LARGE1: variants seen among roughly 807,000 people sequenced by gnomAD.
LARGE1 encodes xylosyl- and glucuronyltransferase LARGE1.
Under a neutral mutation model 87.6 loss-of-function variants are expected in LARGE1, and 43 were observed. The observed-to-expected ratio is 0.49, with a 90% CI of 0.38 to 0.63. The LOEUF (loss-of-function observed/expected upper bound fraction) is 0.63. LARGE1 is among the 30% of genes least tolerant of loss of function. The pLI is 0.00. For missense variants in LARGE1, 802 were observed against 1,000.2 expected, an observed-to-expected ratio of 0.80 and a Z score of 2.67; for synonymous variants, 434 against 394.6, an observed-to-expected ratio of 1.10 and a Z score of -1.18.
At chr22:33,200,101 C>G (rs1924302942) in intron 11 of LARGE1, among the ~76,000 whole-genome samples, 1 of 152,142 alleles carries the variant, frequency 6.6e-6, no homozygotes. Context: ...CCCACCTCAG[C>G]CTCCCAAAGT....
downstream of LARGE1, among the ~76,000 whole-genome samples, chr22:33,268,698 A>T (rs1928088562): frequency 1.3e-5 from 2 of 152,330 alleles, no homozygotes; most frequent in South Asian, 4.1e-4. Context: ...AAGTGCTGGG[A>T]TTACAGGCAT....
intron 6 of LARGE1, among the ~76,000 whole-genome samples, chr22:33,435,513 G>A (rs2067236247): frequency 6.6e-6 from 1 of 152,122 alleles, no homozygotes; most frequent in African/African-American, 2.4e-5. Flanking sequence ...CTGATCGGGT[G>A]TGTGTTAGTG....
intron 7 of LARGE1, among the ~76,000 whole-genome samples, chr22:33,390,687 GTGTT>G (rs1180610971): frequency 1.6e-5 from 2 of 125,734 alleles, no homozygotes; most frequent in African/African-American, 8.2e-5. Context: ...CTTTTGTTGT[GTGTT>G]TTTTTTTTTT....
chr22:33,794,276 G>C (rs949941558), intron 1 of LARGE1, among the ~76,000 whole-genome samples: 5 of 152,184 alleles, frequency 3.3e-5, no homozygotes, highest in African/African-American at 1.2e-4. Context: ...GTCTGAGTCT[G>C]ATTCTTCTCA....
chr22:33,703,767 C>T (rs2082471638), intron 2 of LARGE1, among the ~76,000 whole-genome samples: 1 of 152,222 alleles, frequency 6.6e-6, no homozygotes, highest in Admixed American at 6.5e-5. Flanking sequence ...TGTGAACACC[C>T]TGACTTTAGT....
intron 1 of LARGE1, among the ~76,000 whole-genome samples, chr22:33,841,078 G>A (rs560339011): frequency 1.3e-5 from 2 of 152,340 alleles, no homozygotes; most frequent in South Asian, 4.1e-4. Context: ...GCCAATGAAA[G>A]TGAGCATGTT....
At position 33,455,757 on chromosome 22, in the gene LARGE1, CAAAA is replaced by C. The variant is rs35353034; in HGVS notation, c.788-23496_788-23493del. Among the ~76,000 whole-genome samples, 9 of 64,240 alleles carry C rather than the reference CAAAA, an allele frequency of 1.4e-4. No homozygotes were observed. The South Asian group carries it at 4.7e-3, about 34-fold the overall frequency. 42.1% of individuals were successfully genotyped at this position (64,240 alleles called of 152,430 possible). ...CGACTGAGTGAAACTCTGTCTCAGC[CAAAA>C]AAAAAAAAAAAAAAAAAAATTGCTA... On this transcript the variant is annotated intron_variant, in intron 6 of 14. Transcript: ENST00000397394.
At chr22:33,618,712 G>C (rs998248807) in intron 4 of LARGE1, among the ~76,000 whole-genome samples, 40 of 152,280 alleles carry the variant, frequency 2.6e-4, no homozygotes, top group Admixed American at 2.5e-3. Context: ...GAGGCAAAAG[G>C]CAGACAAATG....
rs532579662 is a variant in LARGE1 at position 33,683,519 on chromosome 22, T to C, written c.107-32851A>G. Reference sequence around the variant, plus strand: ...ACAATAAATCTCTTTATATATTATATATAACAGAATCAATAGGATGGATGG... The same window carrying C: ...ACAATAAATCTCTTTATATATTATACATAACAGAATCAATAGGATGGATGG... On this transcript the variant is annotated intron_variant, in intron 2 of 14. Transcript: ENST00000397394. Among the ~76,000 whole-genome samples, 15 of 152,162 alleles carry C rather than the reference T, an allele frequency of 9.9e-5. No individual in the cohort carries two copies. The South Asian group carries it at 1.0e-3, about 11-fold the overall frequency.
At chr22:33,566,371 AAAC>A (rs1212024015) in intron 5 of LARGE1, among the ~76,000 whole-genome samples, 1 of 152,258 alleles carries the variant, frequency 6.6e-6, no homozygotes, top group Non-Finnish European at 1.5e-5. Flanking sequence ...TTTTACTTAA[AAAC>A]AACTACGTGT....
intron 1 of LARGE1, among the ~76,000 whole-genome samples, chr22:33,773,058 C>T (rs1688417557): frequency 6.6e-6 from 1 of 152,184 alleles, no homozygotes; most frequent in African/African-American, 2.4e-5. Context: ...CAGACACCCT[C>T]TCGTGCACGT....
intron 7 of LARGE1, among the ~76,000 whole-genome samples, chr22:33,415,075 T>C (rs1416249299): frequency 6.6e-6 from 1 of 152,182 alleles, no homozygotes; most frequent in African/African-American, 2.4e-5. Context: ...GAGAGGTGGC[T>C]TGAGTATCTT....
intron 6 of LARGE1, among the ~76,000 whole-genome samples, chr22:33,527,526 G>C (rs1382210196): frequency 6.6e-6 from 1 of 152,160 alleles, no homozygotes; most frequent in African/African-American, 2.4e-5. Context: ...AATCAGTTCA[G>C]AGGCTCTCTC....
chr22:33,533,490 C>A (rs941000874), intron 6 of LARGE1, among the ~76,000 whole-genome samples: 8 of 152,242 alleles, frequency 5.3e-5, no homozygotes, highest in African/African-American at 1.9e-4. Context: ...TTTCTCGAGG[C>A]GATGAGGCTA....
chr22:33,571,954 A>G (rs1014518013), intron 5 of LARGE1, among the ~76,000 whole-genome samples: 1 of 152,150 alleles, frequency 6.6e-6, no homozygotes, highest in African/African-American at 2.4e-5. Context: ...AGTTTTTCAA[A>G]CAATTAGGTA....
chr22:33,722,499 G>A (rs562411109), intron 2 of LARGE1, among the ~76,000 whole-genome samples: 13 of 152,240 alleles, frequency 8.5e-5, no homozygotes, highest in African/African-American at 2.2e-4. Context: ...CAAATACAAC[G>A]GTAAAAGTCC....
At chr22:33,247,625 T>C (rs372419244) in intron 11 of LARGE1, among the ~76,000 whole-genome samples, 6 of 152,374 alleles carry the variant, frequency 3.9e-5, no homozygotes, top group African/African-American at 9.6e-5. Context: ...TAATGAAATA[T>C]GGACAATAAT....
rs543008746 is a variant in LARGE1, at chr22:33,227,514, G to T, written c.1731-60682C>A. ...AGCCCTACTAGTTTAACTCTCCATT[G>T]TTCACTCTACAAGTGGGGAAACTGA... On this transcript the variant is annotated intron_variant, in intron 11 of 11. Transcript: ENST00000608642. Among the ~76,000 whole-genome samples, 58 of 152,276 alleles carry T rather than the reference G, an allele frequency of 3.8e-4. 1 individual carries two copies. The South Asian group carries it at 4.6e-3, about 12-fold the overall frequency.
At chr22:33,546,822 T>A (rs538187409) in intron 6 of LARGE1, among the ~76,000 whole-genome samples, 40 of 152,228 alleles carry the variant, frequency 2.6e-4, no homozygotes, top group Middle Eastern at 3.4e-3. Context: ...GACCTCAGGT[T>A]ATCCGCCCAC....
Sources: allele counts gnomAD v4.1 joint callset (sites outside exome capture counted in the v4.1 genomes callset), GRCh38; gene constraint gnomAD v4.1.1; transcripts MANE v1.5; gene names NCBI Gene and HGNC (gene_info 2026-07-23, HGNC 2026-07-21).